Variants in WDR72 observed in about 807,000 individuals in gnomAD.
WDR72 encodes WD repeat-containing protein 72.
A neutral mutation model predicts 124.2 loss-of-function variants in WDR72; 120 were observed. The ratio of observed to expected loss-of-function variants is 0.97; its 90% CI spans 0.83 to 1.12. The LOEUF is 1.12. Ranked by LOEUF, WDR72 falls within the 50% of genes most tolerant of loss-of-function variation. WDR72 has a pLI of 0.00. For missense variants in WDR72, 1,387 were observed against 1,278.8 expected, an observed-to-expected ratio of 1.08 and a Z score of -1.29; for synonymous variants, 452 against 441.7, an observed-to-expected ratio of 1.02 and a Z score of -0.29.
chr15:53,640,956 T>C (rs911533542), intron 14 of WDR72, among the ~76,000 whole-genome samples: 3 of 151,996 alleles, frequency 2.0e-5, no homozygotes, highest in Non-Finnish European at 4.4e-5. Context: ...AGTTGACTTG[T>C]AAGTTTTTGA....
At chr15:53,758,777 G>GGGGC (rs1555432041) in intron 1 of WDR72, among the ~76,000 whole-genome samples, 1 of 121,316 alleles carries the variant, frequency 8.2e-6, no homozygotes, top group Admixed American at 8.5e-5. Flanking sequence ...GCGGGGGGGG[G>GGGGC]GGGGGCGGTG....
At chr15:53,543,558 G>T (rs558282586) in intron 18 of WDR72, among the ~76,000 whole-genome samples, 28,051 of 148,982 alleles carry the variant, frequency 0.19, 2,648 homozygotes, top group Middle Eastern at 0.24. Flanking sequence ...ATCCAAAATT[G>T]ACACCCTAAC....
chr15:53,682,796 G>A (rs976019204), intron 13 of WDR72, among the ~76,000 whole-genome samples: 5 of 152,066 alleles, frequency 3.3e-5, no homozygotes, highest in Non-Finnish European at 5.9e-5. Flanking sequence ...CAGTTCCAAA[G>A]TTGCTTCCAT....
intron 18 of WDR72, among the ~76,000 whole-genome samples, chr15:53,530,112 A>G (rs946930851): frequency 6.6e-6 from 1 of 151,780 alleles, no homozygotes; most frequent in Middle Eastern, 3.4e-3. Context: ...AGGAAATTTC[A>G]ATAATTTCCA....
chr15:53,686,467 C>T lies in WDR72; in HGVS notation c.1765+13283G>A, dbSNP rs567202582. Among the ~76,000 whole-genome samples, 14 of 150,950 alleles carry T rather than the reference C, an allele frequency of 9.3e-5. No individual in the cohort carries two copies. The South Asian group carries it at 2.7e-3, about 30-fold the overall frequency. On this transcript the variant is annotated intron_variant, in intron 13 of 19. Transcript: ENST00000360509. ...CAAAGATCAAAAGAGACAAAGAAGG[C>T]CATTACATAATGGTAAAGGGATCAA...
At chr15:53,535,270 CGTTAA>C (rs971837380) in intron 18 of WDR72, among the ~76,000 whole-genome samples, 4 of 151,992 alleles carry the variant, frequency 2.6e-5, no homozygotes, top group African/African-American at 9.7e-5. Context: ...TCCAGGGCAC[CGTTAA>C]GTTATTTTAA....
chr15:53,524,142 C>T (rs1471732887), intron 18 of WDR72, among the ~76,000 whole-genome samples: 1 of 151,940 alleles, frequency 6.6e-6, no homozygotes, highest in Non-Finnish European at 1.5e-5. Flanking sequence ...TGGGCCTTGT[C>T]TTCATGAAGA....
At position 53,670,907 on chromosome 15, in the gene WDR72, T is replaced by A. The variant is rs150849211; in HGVS notation, c.1766-5139A>T. Among the ~76,000 whole-genome samples the A allele has an allele frequency of 9.2e-5, 14 of 152,290 alleles. No individual in the cohort carries two copies. In the East Asian group the frequency reaches 2.7e-3, roughly 29 times the overall value. On this transcript the variant is annotated intron_variant, in intron 13 of 19. Coordinates refer to ENST00000360509, the MANE Select transcript of WDR72 (RefSeq NM_182758.4). ...GCCTGACACCTAGGCCTGAGGTCAC[T>A]GGGCATATGGCCAGCTTGGGCCCCC...
Position 53,517,464 on chromosome 15 carries a change from C to A in WDR72, c.*235G>T. On this transcript the variant is annotated 3_prime_UTR_variant, in exon 20 of 20. Coordinates refer to ENST00000360509, the MANE Select transcript of WDR72 (RefSeq NM_182758.4). The stretch of plus-strand genomic sequence containing the variant: ...GTAAGAAACAGGAATAGAGAATGAT[C>A]TAGGCAATATTTTTCTAAAATTAGA... 1 of 497,034 alleles carries A rather than the reference C, an allele frequency of 2.0e-6. No homozygotes were observed. Among genetic ancestry groups the A allele is most frequent in the Non-Finnish European group, 3.6e-6 (1 of 274,402 alleles). The allele number at this position is 497,034 out of a possible 1,614,324, so 30.8% of individuals were successfully genotyped here. A position where few individuals can be genotyped will look rare whatever the true frequency, so the allele number is the denominator to read the frequency against.
At chr15:53,569,608 A>G (rs956480911) in intron 18 of WDR72, among the ~76,000 whole-genome samples, 6 of 152,040 alleles carry the variant, frequency 3.9e-5, no homozygotes, top group African/African-American at 1.4e-4. Flanking sequence ...TGAGGCATTT[A>G]TTTGCATTCA....
intron 18 of WDR72, among the ~76,000 whole-genome samples, chr15:53,528,187 C>T (rs1250057048): frequency 6.6e-6 from 1 of 152,034 alleles, no homozygotes; most frequent in Non-Finnish European, 1.5e-5. Context: ...TCTCTCTGGA[C>T]AGATGTCTTA....
intron 14 of WDR72, among the ~76,000 whole-genome samples, chr15:53,636,786 TAACG>T (rs1483081432): frequency 6.6e-6 from 1 of 152,186 alleles, no homozygotes; most frequent in Non-Finnish European, 1.5e-5. Flanking sequence ...ATCACACAGG[TAACG>T]ACTGGAAGAG....
In WDR72 at chr15:53,609,577, T is replaced by A; in HGVS notation, c.2888A>T (p.His963Leu). The change falls in exon 17 of 20, where the codon CAT becomes CTT. Residue 963 changes from histidine to leucine, a missense_variant. Coordinates refer to ENST00000360509, the MANE Select transcript of WDR72 (RefSeq NM_182758.4). ...AAGTGAAAGGTCAGCCTCAGGTACATGGGATTCATTCTTACCTAGAAATAT... is the reference window on the plus strand; with the variant it reads ...AAGTGAAAGGTCAGCCTCAGGTACAAGGGATTCATTCTTACCTAGAAATAT... ...SCLRNGKNES[H>L]VPEADLSLLK... 6.2e-7 allele frequency: 1 copy of A among 1,613,368 alleles called. No homozygotes were observed. The highest frequency in any genetic ancestry group is 2.2e-5 in the East Asian group (1 of 44,842).
At chr15:53,610,282 C>CA (rs1475971583) in intron 16 of WDR72, among the ~76,000 whole-genome samples, 4 of 151,874 alleles carry the variant, frequency 2.6e-5, no homozygotes, top group Non-Finnish European at 5.9e-5. Context: ...GTTTCCTACA[C>CA]AAAAAAGTAC....
Position 53,613,755 on chromosome 15 carries a change from G to T in WDR72, c.2783C>A (p.Ser928Tyr). 1 of 1,591,826 alleles carries T rather than the reference G, an allele frequency of 6.3e-7. No individual in the cohort carries two copies. Among genetic ancestry groups the T allele is most frequent in the East Asian group, 2.2e-5 (1 of 44,632 alleles). ...ATTATGTATACTTTCCATTCTGAAAGAACTGTTAGAAAAAAGATTGACAGC... is the reference window on the plus strand; with the variant it reads ...ATTATGTATACTTTCCATTCTGAAATAACTGTTAGAAAAAAGATTGACAGC... Reference protein sequence around the residue: ...PLELACRVGSSFRMESIHNKM... With the variant: ...PLELACRVGSYFRMESIHNKM... Residue 928 changes from serine to tyrosine, a missense_variant and splice_region_variant, in exon 16 of 20, where the codon TCT (serine) becomes TAT (tyrosine). Ser to Tyr is a moderately radical substitution (Grantham distance 144, BLOSUM62 -2). Transcript: ENST00000360509.
At chr15:53,644,942 G>C (rs1054077220) in intron 14 of WDR72, among the ~76,000 whole-genome samples, 1 of 152,096 alleles carries the variant, frequency 6.6e-6, no homozygotes, top group African/African-American at 2.4e-5. Context: ...TTTCAGCTAA[G>C]TGTTAGAGTA....
intron 3 of WDR72, among the ~76,000 whole-genome samples, chr15:53,720,165 CTTTT>C (rs1382263224): frequency 2.0e-5 from 3 of 151,870 alleles, no homozygotes; most frequent in South Asian, 2.1e-4. Flanking sequence ...CATACTCTTT[CTTTT>C]ATTTTTTATT....
chr15:53,540,056 T>C (rs1334469259), intron 18 of WDR72, among the ~76,000 whole-genome samples: 1 of 152,174 alleles, frequency 6.6e-6, no homozygotes, highest in African/African-American at 2.4e-5. Context: ...TTCGTAATAC[T>C]AAAGACTGCA....
At chr15:53,626,656 T>G (rs2014224116) in intron 14 of WDR72, among the ~76,000 whole-genome samples, 1 of 152,250 alleles carries the variant, frequency 6.6e-6, no homozygotes, top group Non-Finnish European at 1.5e-5. Flanking sequence ...CTTCCCGCTG[T>G]GCTCTCAGGC....
Sources: allele counts gnomAD v4.1 joint callset (sites outside exome capture counted in the v4.1 genomes callset), GRCh38; gene constraint gnomAD v4.1.1; transcripts MANE v1.5; gene names NCBI Gene and HGNC (gene_info 2026-07-23, HGNC 2026-07-21).